The following PPL variants were observed in gnomAD, a reference collection of about 807,000 sequenced individuals.
PPL encodes 190 kDa paraneoplastic pemphigus antigen.
In PPL, 198 loss-of-function variants were observed where a neutral mutation model predicts 194.4. That is an observed-to-expected ratio of 1.02 (90% CI 0.91 to 1.15). The LOEUF (loss-of-function observed/expected upper bound fraction) is 1.15. Among genes scored for constraint, PPL ranks in the 50% most tolerant of loss-of-function variants. PPL has a pLI of 0.00. For synonymous variants in PPL, 1,220 were observed against 972.4 expected (o/e 1.25, Z -4.74); for missense variants, 2,885 against 2,294.8 (o/e 1.26, Z -5.25).
chr16:4,924,312 G>A (rs934155382), intron 1 of PPL, among the ~76,000 whole-genome samples: 3 of 152,138 alleles, frequency 2.0e-5, no homozygotes, highest in South Asian at 4.1e-4. Flanking sequence ...TTCACACTAA[G>A]TCTTCAAACC....
Position 4,890,207 on chromosome 16 carries a change from C to G in PPL, c.2290G>C (p.Glu764Gln), listed in dbSNP as rs1355240261. ...ACCTTCTGGTTCTTCAGCTTGGTCT[C>G]CATCTGGCTGAGGCTGTCTGTCTCC... The part of the protein sequence containing the change: ...PQETDSLSQM[E>Q]TKLKNQKNLL... The change falls in exon 18 of 22, where the codon GAG becomes CAG. Residue 764 changes from glutamate (E) to glutamine (Q), a missense_variant. Coordinates refer to ENST00000345988, the MANE Select transcript of PPL (RefSeq NM_002705.5). The G allele has an allele frequency of 2.5e-6, 4 of 1,614,060 alleles. No homozygotes were observed. The highest frequency in any genetic ancestry group is 3.4e-6 in the Non-Finnish European group (4 of 1,180,042).
Position 4,902,619 on chromosome 16 carries a change from T to A in PPL, c.318-93A>T. ...CACCCAGACCCCGGCCTCAGTGTCC[T>A]GGAAGGACACAGTGACCATATGGCC... On this transcript the variant is annotated intron_variant, in intron 3 of 21. Coordinates refer to ENST00000345988, the MANE Select transcript of PPL (RefSeq NM_002705.5). This position sits in a 1 kb window ranked among gnomAD's most constrained non-coding sequence, Gnocchi z 4.0. 6.9e-7 allele frequency: 1 copy of A among 1,455,608 alleles called. No individual in the cohort carries two copies. The highest frequency in any genetic ancestry group is 9.3e-7 in the Non-Finnish European group (1 of 1,072,558). 90.2% of individuals were successfully genotyped at this position (1,455,608 alleles called of 1,614,324 possible).
rs772566466 is a variant in PPL at position 4,885,373 on chromosome 16, G to T, written c.3282C>A (p.Leu1094=). The change falls in exon 22 of 22, where the codon CTC becomes CTA. Residue 1094 remains leucine, a synonymous_variant. Transcript: ENST00000345988. This position sits in a 1 kb window ranked among gnomAD's most constrained non-coding sequence, Gnocchi z 6.3. ...TCTCTAGCCTCTTGAGCTTGTCCTG[G>T]AGGAAGCTCAGCTCCTCCTCCTGCT... ...REKQEEELSF[L]QDKLKRLEKE... 2 of 1,612,772 alleles carry T rather than the reference G, an allele frequency of 1.2e-6. No individual in the cohort carries two copies. The highest frequency in any genetic ancestry group is 1.7e-6 in the Non-Finnish European group (2 of 1,179,942).
Position 4,884,041 on chromosome 16 carries a change from G to A in PPL, c.4614C>T (p.Ser1538=). Residue 1538 remains serine (S), a synonymous_variant, in exon 22 of 22, where the codon AGC becomes AGT. Coordinates refer to ENST00000345988, the MANE Select transcript of PPL (RefSeq NM_002705.5). The surrounding 1 kb of genome is among the most constrained non-coding windows in gnomAD (Gnocchi z 5.7). ...GCTCCGAAAGCCTGGCTTCCAGCCG[G>A]CTCACCTCGACGTCCAGCTCGCGCT... The part of the protein sequence containing the change: ...RSKRELDVEV[S]RLEARLSELE... 6.2e-7 allele frequency: 1 copy of A among 1,613,524 alleles called. No homozygotes were observed. The highest frequency in any genetic ancestry group is 8.5e-7 in the Non-Finnish European group (1 of 1,180,016).
At chr16:4,901,133 G>A (rs774976106) in intron 4 of PPL, 44 bp from the exon 5 acceptor site, 3 of 1,605,682 alleles carry the variant, frequency 1.9e-6, no homozygotes, top group Admixed American at 3.4e-5. Context: ...GGTGGGCTGA[G>A]GGCTGGGGAC....
At chr16:4,933,741 C>T (rs570545239) in intron 1 of PPL, among the ~76,000 whole-genome samples, 22 of 152,176 alleles carry the variant, frequency 1.4e-4, no homozygotes, top group Admixed American at 7.9e-4. Context: ...TGACTGCCAG[C>T]GACTCAAGTG....
At chr16:4,903,639 G>C (rs895894976) in intron 3 of PPL, among the ~76,000 whole-genome samples, 10 of 151,874 alleles carry the variant, frequency 6.6e-5, no homozygotes, top group African/African-American at 2.2e-4. Flanking sequence ...AGAATAGCTT[G>C]AACTGGGGAG....
intron 1 of PPL, among the ~76,000 whole-genome samples, chr16:4,926,895 AAAAAAAAC>A (rs2089165369): frequency 4.2e-5 from 6 of 142,064 alleles, no homozygotes; most frequent in Non-Finnish European, 6.2e-5. Flanking sequence ...AAAAAAAACA[AAAAAAAAC>A]CAAAAACAAA....
chr16:4,920,803 C>CT (rs1207271594), intron 1 of PPL, among the ~76,000 whole-genome samples: 2 of 152,180 alleles, frequency 1.3e-5, no homozygotes, highest in Non-Finnish European at 2.9e-5. Flanking sequence ...GAGTCTCTCT[C>CT]TGTTGCCCAG....
chr16:4,906,529 T>G (rs1402331173), intron 2 of PPL, among the ~76,000 whole-genome samples: 1 of 152,238 alleles, frequency 6.6e-6, no homozygotes, highest in Non-Finnish European at 1.5e-5. Flanking sequence ...CCGGCCTGCT[T>G]GGAGTAGAAT....
chr16:4,883,338 G>A lies in PPL; in HGVS notation c.*46C>T, dbSNP rs201511569. The A allele has an allele frequency of 1.2e-5, 19 of 1,608,798 alleles. No individual in the cohort carries two copies. The highest frequency in any genetic ancestry group is 2.7e-5 in the African/African-American group (2 of 74,800). On this transcript the variant is annotated 3_prime_UTR_variant, in exon 22 of 22. Transcript: ENST00000345988. The surrounding 1 kb of genome is among the most constrained non-coding windows in gnomAD (Gnocchi z 4.8). ...ACACCAAGGAGGTCACTGCGTCGTA[G>A]GAGAGGGCCAGCGTCTGCCGTTACG...
In PPL at chr16:4,897,686, C is replaced by A; in HGVS notation, c.961G>T (p.Asp321Tyr). The A allele has an allele frequency of 1.2e-6, 2 of 1,613,594 alleles. No individual in the cohort carries two copies. The highest frequency in any genetic ancestry group is 2.2e-5 in the South Asian group (2 of 91,056). ...CEESHLKYME[D>Y]YHQFHEDVKD... ...GGAAAGGTAAGTACCTGGTGGTAGT[C>A]CTCCATGTACTTGAGGTGGCTCTCC... Residue 321 changes from aspartate to tyrosine, a missense_variant, in exon 9 of 22, where the codon GAC becomes TAC. Physicochemically the swap from Asp to Tyr is radical, Grantham distance 160. Transcript: ENST00000345988.
At chr16:4,893,486 C>T (rs2088359521) in intron 13 of PPL, 55 bp downstream of exon 13, 3 of 1,601,058 alleles carry the variant, frequency 1.9e-6, no homozygotes, top group South Asian at 2.2e-5. Flanking sequence ...GACCCTGGTC[C>T]AGCCCCTCCT....
chr16:4,900,751 A>C, intron 6 of PPL, 79 bp downstream of exon 6: 1 of 1,590,550 alleles, frequency 6.3e-7, no homozygotes, highest in Non-Finnish European at 8.6e-7. Flanking sequence ...TTTTAAAACA[A>C]TACATCCTTG....
chr16:4,891,010 C>CTG (rs1596547359), intron 16 of PPL, 89 bp from the exon 17 acceptor site: 1 of 1,225,824 alleles, frequency 8.2e-7, no homozygotes, highest in Admixed American at 3.0e-5. Context: ...GGGCCACTGA[C>CTG]TGTAGGAGGG....
At chr16:4,922,747 G>C (rs1418941899) in intron 1 of PPL, among the ~76,000 whole-genome samples, 4 of 151,212 alleles carry the variant, frequency 2.6e-5, no homozygotes, top group African/African-American at 9.7e-5. Flanking sequence ...GCACCTGGGA[G>C]ATGAAAGCAG....
At chr16:4,887,906 T>C (rs2088243940) in intron 20 of PPL, among the ~76,000 whole-genome samples, 196 bp downstream of exon 20, 1 of 152,182 alleles carries the variant, frequency 6.6e-6, no homozygotes, top group Non-Finnish European at 1.5e-5. Context: ...TTGCTGTCTT[T>C]CTAGGCATAT....
intron 1 of PPL, among the ~76,000 whole-genome samples, chr16:4,914,285 C>A (rs1459880512): frequency 1.3e-5 from 2 of 152,188 alleles, no homozygotes; most frequent in Non-Finnish European, 2.9e-5. Flanking sequence ...GATTCCCGGC[C>A]ACTAACCCAG....
intron 2 of PPL, 80 bp downstream of exon 2, chr16:4,910,770 C>A (rs1358802232): frequency 2.4e-6 from 3 of 1,260,544 alleles, no homozygotes; most frequent in South Asian, 1.2e-5. Flanking sequence ...GTGAGAATCA[C>A]CGATTCCAAA....
Sources: allele counts gnomAD v4.1 joint callset (sites outside exome capture counted in the v4.1 genomes callset), GRCh38; gene constraint gnomAD v4.1.1; non-coding constraint Gnocchi (gnomAD v3.1); transcripts MANE v1.5; gene names NCBI Gene and HGNC (gene_info 2026-07-23, HGNC 2026-07-21).